PLCB4: variants seen among roughly 807,000 people sequenced by gnomAD.
The protein encoded by PLCB4 is 1-phosphatidylinositol 4,5-bisphosphate phosphodiesterase beta-4.
Under a neutral mutation model 178.8 loss-of-function variants are expected in PLCB4, and 77 were observed. That is an observed-to-expected ratio of 0.43 (90% CI 0.36 to 0.52). PLCB4 has a LOEUF of 0.52. Among genes scored for constraint, PLCB4 ranks in the 20% least tolerant of loss-of-function variants. PLCB4 has a pLI of 0.00. For missense variants in PLCB4, 1,024 were observed against 1,453.4 expected, an observed-to-expected ratio of 0.70 and a Z score of 4.80; for synonymous variants, 496 against 490.8, an observed-to-expected ratio of 1.01 and a Z score of -0.14.
intron 2 of PLCB4, among the ~76,000 whole-genome samples, chr20:9,173,188 T>A (rs2093093663): frequency 6.6e-6 from 1 of 152,214 alleles, no homozygotes; most frequent in African/African-American, 2.4e-5. Context: ...ATTGCATTGT[T>A]TTATCCATCC....
chr20:9,281,641 A>T (rs2094495723), intron 3 of PLCB4, among the ~76,000 whole-genome samples: 1 of 151,996 alleles, frequency 6.6e-6, no homozygotes, highest in African/African-American at 2.4e-5. Flanking sequence ...TGTAGGTTTT[A>T]TATTTAAAAT....
intron 2 of PLCB4, among the ~76,000 whole-genome samples, chr20:9,105,421 T>C (rs918317006): frequency 3.9e-5 from 6 of 152,102 alleles, no homozygotes; most frequent in East Asian, 1.9e-4. Flanking sequence ...ATTTGTTCAT[T>C]TGAAGTGTAC....
At chr20:9,316,157 A>G (rs2094896747) in intron 4 of PLCB4, among the ~76,000 whole-genome samples, 1 of 152,090 alleles carries the variant, frequency 6.6e-6, no homozygotes, top group African/African-American at 2.4e-5. Flanking sequence ...TAGTTCTCTC[A>G]AAGTGTGGTC....
intron 2 of PLCB4, among the ~76,000 whole-genome samples, chr20:9,182,609 T>C (rs1419853354): frequency 6.6e-6 from 1 of 152,214 alleles, no homozygotes; most frequent in Non-Finnish European, 1.5e-5. Context: ...AGGGAGCTTC[T>C]GGCAGAGGTA....
At chr20:9,466,233 T>C (rs1286900901) in intron 35 of PLCB4, among the ~76,000 whole-genome samples, 4 of 152,212 alleles carry the variant, frequency 2.6e-5, no homozygotes, top group Admixed American at 1.3e-4. Flanking sequence ...TCTAACCATA[T>C]GTAGAAAGCT....
chr20:9,290,058 A>G (rs1177397454), intron 3 of PLCB4, among the ~76,000 whole-genome samples: 1 of 151,814 alleles, frequency 6.6e-6, no homozygotes, highest in African/African-American at 2.4e-5. Context: ...TGAGAATGTC[A>G]TCCTCCTGGT....
intron 35 of PLCB4, among the ~76,000 whole-genome samples, chr20:9,467,688 A>G (rs8122156): frequency 0.014 from 2,106 of 152,230 alleles, 38 homozygotes; most frequent in African/African-American, 0.046. Context: ...TTGTGTCCAG[A>G]GTTTCTATAC....
intron 3 of PLCB4, among the ~76,000 whole-genome samples, chr20:9,252,760 G>A (rs908712864): frequency 5.3e-5 from 8 of 152,204 alleles, no homozygotes; most frequent in Non-Finnish European, 7.3e-5. Flanking sequence ...GAACAGAAAA[G>A]CAGAGGAAGG....
At chr20:9,383,933 G>A (rs140658483) in intron 13 of PLCB4, among the ~76,000 whole-genome samples, 9 of 152,254 alleles carry the variant, frequency 5.9e-5, no homozygotes, top group Admixed American at 1.3e-4. Context: ...ATAACTCCCA[G>A]TGCTGTGTTT....
intron 3 of PLCB4, among the ~76,000 whole-genome samples, chr20:9,248,010 G>C (rs1036237228): frequency 1.3e-5 from 2 of 152,148 alleles, no homozygotes; most frequent in Non-Finnish European, 2.9e-5. Context: ...TATTAATAGA[G>C]TTAAGCAGAA....
chr20:9,323,701 A>G (rs1228272755), intron 4 of PLCB4, among the ~76,000 whole-genome samples: 1 of 152,160 alleles, frequency 6.6e-6, no homozygotes, highest in African/African-American at 2.4e-5. Flanking sequence ...CTGCCCCAGG[A>G]GTCCCCTCAT....
chr20:9,423,605 T>C, intron 27 of PLCB4, 143 bp from the exon 28 acceptor site: 1 of 650,756 alleles, frequency 1.5e-6, no homozygotes, highest in Admixed American at 2.4e-5. Flanking sequence ...GCAGTACATT[T>C]TGGGGAATGC....
intron 2 of PLCB4, among the ~76,000 whole-genome samples, chr20:9,109,869 G>T (rs944973771): frequency 1.3e-5 from 2 of 152,080 alleles, no homozygotes; most frequent in African/African-American, 4.8e-5. Flanking sequence ...ATCTGGCTTT[G>T]TGTTGTCCCT....
chr20:9,155,695 C>G (rs1246956592), intron 2 of PLCB4, among the ~76,000 whole-genome samples: 1 of 152,148 alleles, frequency 6.6e-6, no homozygotes, highest in East Asian at 1.9e-4. Flanking sequence ...AGTGAAACCA[C>G]CAGCTGGTGA....
rs755795030 is a variant in PLCB4 at position 9,373,122 on chromosome 20, T to C, written c.744+18T>C. ...TAAATGAAGTAAGCTTTTTCATACATTAACTCCATAAAGTCTGTGTGCAGT... is the reference window on the plus strand; with the variant it reads ...TAAATGAAGTAAGCTTTTTCATACACTAACTCCATAAAGTCTGTGTGCAGT... On this transcript the variant is annotated intron_variant, in intron 12 of 39. Coordinates refer to ENST00000378473, the MANE Select transcript of PLCB4 (RefSeq NM_001377142.1). The C allele has an allele frequency of 1.1e-4, 146 of 1,298,704 alleles. 1 individual carries two copies. The highest frequency in any genetic ancestry group is 3.0e-5 in the Non-Finnish European group (27 of 897,626). 80.4% of individuals were successfully genotyped at this position (1,298,704 alleles called of 1,614,324 possible).
intron 3 of PLCB4, among the ~76,000 whole-genome samples, chr20:9,267,694 G>A (rs1332992203): frequency 6.6e-6 from 1 of 152,086 alleles, no homozygotes; most frequent in Non-Finnish European, 1.5e-5. Flanking sequence ...TTAACCTTCA[G>A]TGTCAGTGCT....
In PLCB4 at chr20:9,220,567, C is replaced by T. The variant is rs140148569; in HGVS notation, c.-16+3115C>T. 1.5e-3 allele frequency among the ~76,000 whole-genome samples: 228 copies of T among 152,270 alleles called. 1 individual carries two copies. The highest frequency in any genetic ancestry group is 5.2e-3 in the African/African-American group (215 of 41,578). On this transcript the variant is annotated intron_variant, in intron 3 of 39. Transcript: ENST00000378473. ...AGGAGAATTGCTTCAACCCAGGAGG[C>T]GGAGGTTTGCAGTGAGCCGAGACTG...
At chr20:9,422,324 G>C (rs938713125) in intron 27 of PLCB4, among the ~76,000 whole-genome samples, 1 of 152,206 alleles carries the variant, frequency 6.6e-6, no homozygotes, top group Non-Finnish European at 1.5e-5. Context: ...GATCAATGTA[G>C]GTTTGATGAA....
In PLCB4 at chr20:9,303,371, G is replaced by C. The variant is rs531372129; in HGVS notation, c.-15-4429G>C. On this transcript the variant is annotated intron_variant, in intron 3 of 39. Transcript: ENST00000378473. Reference sequence around the variant, plus strand: ...CTACCCTCAGCCTTTGGTAACCACTGTTCTGCTCTCTGCTTTTATGAGTTC... The same window carrying C: ...CTACCCTCAGCCTTTGGTAACCACTCTTCTGCTCTCTGCTTTTATGAGTTC... Among the ~76,000 whole-genome samples, 33 of 152,264 alleles carry C rather than the reference G, an allele frequency of 2.2e-4. No homozygotes were observed. The South Asian group carries it at 4.8e-3, about 22-fold the overall frequency.
Sources: gnomAD v4.1 joint callset for allele counts (sites outside exome capture counted in the v4.1 genomes callset) on GRCh38, gnomAD v4.1.1 for gene constraint, MANE v1.5 for transcripts, NCBI Gene and HGNC (gene_info 2026-07-23, HGNC 2026-07-21) for gene names.